The following PCMTD2 variants were observed in gnomAD, a reference collection of about 807,000 sequenced individuals.
The protein encoded by PCMTD2 is protein-L-isoaspartate (D-aspartate) O-methyltransferase domain containing 2.
A neutral mutation model predicts 33.4 loss-of-function variants in PCMTD2; 16 were observed. The ratio of observed to expected loss-of-function variants is 0.48; its 90% CI spans 0.32 to 0.73. The LOEUF is 0.73. Among genes scored for constraint, PCMTD2 ranks in the 30% least tolerant of loss-of-function variants. The pLI is 0.03. For synonymous variants in PCMTD2, 161 were observed against 160.8 expected (o/e 1.00, Z -0.01); for missense variants, 374 against 449.9 (o/e 0.83, Z 1.53).
intron 2 of PCMTD2, among the ~76,000 whole-genome samples, chr20:64,263,188 G>GA (rs1475593883): frequency 6.6e-6 from 1 of 152,188 alleles, no homozygotes; most frequent in Non-Finnish European, 1.5e-5. Context: ...AATTGAAGTC[G>GA]GAGTTGTCAG....
chr20:64,259,095 G>A (rs778455538), intron 1 of PCMTD2, among the ~76,000 whole-genome samples: 13 of 152,184 alleles, frequency 8.5e-5, no homozygotes, highest in Non-Finnish European at 1.3e-4. Flanking sequence ...GGAAAGCTGC[G>A]TATCATGCAA....
chr20:64,257,374 G>T (rs1271991259), intron 1 of PCMTD2, among the ~76,000 whole-genome samples: 1 of 152,210 alleles, frequency 6.6e-6, no homozygotes, highest in Non-Finnish European at 1.5e-5. Flanking sequence ...ATGGACTGTT[G>T]CTAGTTACCA....
chr20:64,272,801 CAG>C (rs1434047546), intron 5 of PCMTD2, among the ~76,000 whole-genome samples: 1 of 152,166 alleles, frequency 6.6e-6, no homozygotes, highest in Non-Finnish European at 1.5e-5. Context: ...GCCTGGGTGA[CAG>C]AGTAAGACTC....
chr20:64,265,082 G>A (rs1260375349), intron 3 of PCMTD2, among the ~76,000 whole-genome samples, 176 bp from the exon 4 acceptor site: 1 of 152,180 alleles, frequency 6.6e-6, no homozygotes, highest in Non-Finnish European at 1.5e-5. Flanking sequence ...TAGTTATATA[G>A]TATAATTCTT....
chr20:64,265,735 C>A, intron 4 of PCMTD2: 1 of 295,308 alleles, frequency 3.4e-6, no homozygotes, highest in Non-Finnish European at 6.3e-6. Flanking sequence ...TCCTTCCCCC[C>A]AGCTGTTCTG....
At chr20:64,269,856 TGGGGGGTGTGG>T (rs1985818593) in intron 5 of PCMTD2, among the ~76,000 whole-genome samples, 9 of 132,646 alleles carry the variant, frequency 6.8e-5, no homozygotes, top group African/African-American at 2.1e-4. Context: ...TGCTGGCGTG[TGGGGGGTGTGG>T]GCGTGCATCG....
intron 2 of PCMTD2, among the ~76,000 whole-genome samples, chr20:64,261,403 C>G (rs7270745): frequency 0.43 from 65,789 of 151,896 alleles, 14,801 homozygotes; most frequent in Middle Eastern, 0.49. Context: ...ACTGTATATG[C>G]TTGTGAAAGA....
rs1407367315 is a variant in PCMTD2, at chr20:64,273,468, G to C, written c.954G>C (p.Arg318=). The change falls in exon 6 of 6, where the codon CGG becomes CGC. Residue 318 remains arginine (R), a synonymous_variant. Transcript: ENST00000308824. ...GCTGTGAAGACTTGGAAGAGGAACG[G>C]AGGGAAGAAGAAGAGAAGACCCCGC... ...DNSCEDLEEE[R]REEEEKTPPE... The C allele has an allele frequency of 6.2e-7, 1 of 1,612,802 alleles. No individual in the cohort carries two copies. Among genetic ancestry groups the C allele is most frequent in the Non-Finnish European group, 8.5e-7 (1 of 1,179,660 alleles).
At chr20:64,272,056 G>T in intron 5 of PCMTD2, 1 of 384,672 alleles carries the variant, frequency 2.6e-6, no homozygotes, top group South Asian at 1.9e-5. Context: ...AAGTGCCGGA[G>T]CCTGTCCTGG....
chr20:64,263,743 C>G (rs1985530928), intron 2 of PCMTD2, among the ~76,000 whole-genome samples: 1 of 152,212 alleles, frequency 6.6e-6, no homozygotes, highest in Non-Finnish European at 1.5e-5. Context: ...AGTGTTGCAT[C>G]TTCCAGAAAG....
chr20:64,262,236 G>A (rs76042360), intron 2 of PCMTD2, among the ~76,000 whole-genome samples: 4 of 151,786 alleles, frequency 2.6e-5, no homozygotes, highest in Non-Finnish European at 4.4e-5. Flanking sequence ...TCTGGCTAAC[G>A]GAGCCAGACT....
chr20:64,265,534 A>G (rs758197433), intron 4 of PCMTD2, 105 bp downstream of exon 4: 1 of 922,466 alleles, frequency 1.1e-6, no homozygotes, highest in Non-Finnish European at 1.6e-6. Flanking sequence ...CATTTCACAA[A>G]TGAGGAAACA....
chr20:64,262,668 T>C (rs1394997660), intron 2 of PCMTD2: 1 of 152,360 alleles, frequency 6.6e-6, no homozygotes, highest in Non-Finnish European at 1.5e-5. Flanking sequence ...GCCTTTCGCA[T>C]GGCCTGAGCG....
chr20:64,271,651 A>G (rs1210110535), intron 5 of PCMTD2: 1 of 153,716 alleles, frequency 6.5e-6, no homozygotes, highest in Non-Finnish European at 1.4e-5. Flanking sequence ...TAGCAGTCAT[A>G]CTGAGACGGT....
chr20:64,256,660 A>G (rs1601736546), intron 1 of PCMTD2: 1 of 151,948 alleles, frequency 6.6e-6, no homozygotes, highest in East Asian at 1.9e-4. Context: ...CGCTTGGGGG[A>G]AATAGAGCCC....
intron 5 of PCMTD2, chr20:64,271,482 A>G (rs1396035648): frequency 6.6e-6 from 1 of 150,982 alleles, no homozygotes; most frequent in African/African-American, 2.4e-5. Context: ...GTACAATGGT[A>G]CAGTCCTTCT....
Position 64,273,486 on chromosome 20 carries a change from G to C in PCMTD2, c.972G>C (p.Lys324Asn), listed in dbSNP as rs1985994547. 3.1e-6 allele frequency: 5 copies of C among 1,610,566 alleles called. No homozygotes were observed. The highest frequency in any genetic ancestry group is 4.2e-6 in the Non-Finnish European group (5 of 1,178,894). The change falls in exon 6 of 6, where the codon AAG becomes AAC. Residue 324 changes from lysine to asparagine, a missense_variant. Transcript: ENST00000308824. ...LEEERREEEE[K>N]TPPETKPDPP... ...AGGAACGGAGGGAAGAAGAAGAGAA[G>C]ACCCCGCCGGAAACAAAGCCAGACC...
chr20:64,264,181 T>C (rs1401647401), intron 2 of PCMTD2, among the ~76,000 whole-genome samples: 9 of 152,242 alleles, frequency 5.9e-5, no homozygotes, highest in African/African-American at 2.2e-4. Flanking sequence ...CTTTAGTTCA[T>C]TAGTAAGACC....
Position 64,264,499 on chromosome 20 carries a change from C to A in PCMTD2, c.378C>A (p.Asp126Glu). The change falls in exon 3 of 6, where the codon GAC (aspartate) becomes GAA (glutamate). Residue 126 changes from aspartate (D) to glutamate (E), a missense_variant. Physicochemically the swap from Asp to Glu is conservative, Grantham distance 45. Coordinates refer to ENST00000308824, the MANE Select transcript of PCMTD2 (RefSeq NM_018257.3). ...DVIEYAKQKLDFFIRTSDSFD... is the reference protein window; with the variant it reads ...DVIEYAKQKLEFFIRTSDSFD... ...TAGAGTATGCAAAGCAGAAACTGGA[C>A]TTCTTCATCAGAACAAGTGATAGTT... 1 of 1,594,432 alleles carries A rather than the reference C, an allele frequency of 6.3e-7. No individual in the cohort carries two copies. Among genetic ancestry groups the A allele is most frequent in the Non-Finnish European group, 8.6e-7 (1 of 1,162,144 alleles).
Sources: gnomAD v4.1 joint callset for allele counts (sites outside exome capture counted in the v4.1 genomes callset) on GRCh38, gnomAD v4.1.1 for gene constraint, MANE v1.5 for transcripts, NCBI Gene and HGNC (gene_info 2026-07-23, HGNC 2026-07-21) for gene names.